NIPAL2: variants seen among roughly 807,000 people sequenced by gnomAD.
NIPAL2 encodes the protein NIPA like domain containing 2.
Under a neutral mutation model 48.9 loss-of-function variants are expected in NIPAL2, and 43 were observed. The ratio of observed to expected loss-of-function variants is 0.88; its 90% confidence interval spans 0.69 to 1.13. The LOEUF is 1.13. Ranked by LOEUF, NIPAL2 falls within the 50% of genes most tolerant of loss-of-function variation. NIPAL2 has a pLI of 0.00. For synonymous variants in NIPAL2, 167 were observed against 174.6 expected, an observed-to-expected ratio of 0.96 and a Z score of 0.34; for missense variants, 446 against 461.4, an observed-to-expected ratio of 0.97 and a Z score of 0.31.
At chr8:98,280,761 T>TATATATATATATAGAGAGAGAG in intron 1 of NIPAL2, among the ~76,000 whole-genome samples, 81 of 30,014 alleles carry the variant, frequency 2.7e-3, no homozygotes, top group Non-Finnish European at 3.7e-3. Flanking sequence ...TATATATATA[T>TATATATATATATAGAGAGAGAG]AGAGAGAGAG....
intron 3 of NIPAL2, among the ~76,000 whole-genome samples, chr8:98,250,426 A>G (rs1002449687): frequency 1.3e-5 from 2 of 152,158 alleles, no homozygotes; most frequent in Non-Finnish European, 2.9e-5. Context: ...TTCTAGGGAA[A>G]ATCCTCCATC....
intron 2 of NIPAL2, 133 bp from the exon 3 acceptor site, chr8:98,252,767 A>G: frequency 2.6e-6 from 2 of 778,206 alleles, no homozygotes; most frequent in Non-Finnish European, 3.9e-6. Context: ...TTAAGAACGA[A>G]TACATTTTTG....
At chr8:98,269,929 A>G (rs567310196) in intron 1 of NIPAL2, among the ~76,000 whole-genome samples, 38 of 152,334 alleles carry the variant, frequency 2.5e-4, no homozygotes, top group African/African-American at 9.1e-4. Flanking sequence ...AAGTGAGAAC[A>G]TGCAGTATTT....
chr8:98,213,942 T>C (rs1811445048), intron 5 of NIPAL2, among the ~76,000 whole-genome samples: 1 of 152,220 alleles, frequency 6.6e-6, no homozygotes, highest in Admixed American at 6.5e-5. Flanking sequence ...CTACTCTTTT[T>C]GCCACCCAAT....
In NIPAL2 at chr8:98,191,003, T is replaced by A. The variant is rs533250884; in HGVS notation, c.*1975A>T. On this transcript the variant is annotated 3_prime_UTR_variant, in exon 11 of 11. Transcript: ENST00000430223. ...TGGAAAGTAAAACTAGGTCTGAATATATTTTATATGTTACCTGGACTTCTA... is the reference window on the plus strand; with the variant it reads ...TGGAAAGTAAAACTAGGTCTGAATAAATTTTATATGTTACCTGGACTTCTA... The A allele has an allele frequency of 7.4e-4, 112 of 152,358 alleles. No homozygotes were observed. Among genetic ancestry groups the A allele is most frequent in the African/African-American group, 2.6e-3 (108 of 41,586 alleles). The allele number at this position is 152,358 out of a possible 1,614,324, so 9.4% of individuals were successfully genotyped here.
chr8:98,267,117 A>T (rs1814821116), intron 1 of NIPAL2, among the ~76,000 whole-genome samples: 1 of 152,186 alleles, frequency 6.6e-6, no homozygotes, highest in Non-Finnish European at 1.5e-5. Context: ...GTTTTCAATA[A>T]TGTCTTCCAA....
At chr8:98,210,922 A>AT (rs1331953380) in intron 6 of NIPAL2, among the ~76,000 whole-genome samples, 2 of 152,182 alleles carry the variant, frequency 1.3e-5, no homozygotes, top group African/African-American at 2.4e-5. Flanking sequence ...TGTAGCCAAA[A>AT]CACTTCGCAA....
In NIPAL2 at chr8:98,191,305, G is replaced by A. The variant is rs1810297382; in HGVS notation, c.*1673C>T. The A allele has an allele frequency of 6.6e-6, 1 of 152,212 alleles. No individual in the cohort carries two copies. The highest frequency in any genetic ancestry group is 2.4e-5 in the African/African-American group (1 of 41,446). 9.4% of individuals were successfully genotyped at this position (152,212 alleles called of 1,614,324 possible). On this transcript the variant is annotated 3_prime_UTR_variant, in exon 11 of 11. Coordinates refer to ENST00000430223, the MANE Select transcript of NIPAL2 (RefSeq NM_001321635.2). ...CAGATACATTTCTTGGCTGAGCCTT[G>A]TAGGACCAATATGCTGGACCAATTC...
At chr8:98,200,078 G>A (rs906098246) in intron 8 of NIPAL2, among the ~76,000 whole-genome samples, 6 of 152,088 alleles carry the variant, frequency 3.9e-5, no homozygotes, top group African/African-American at 1.4e-4. Flanking sequence ...TCAGCCTCCT[G>A]AGTAGCTGGG....
intron 1 of NIPAL2, among the ~76,000 whole-genome samples, chr8:98,272,607 G>A (rs1182337230): frequency 2.0e-5 from 3 of 151,122 alleles, no homozygotes; most frequent in African/African-American, 7.3e-5. Context: ...GCATCATAGT[G>A]TGTGCTATCT....
At chr8:98,288,256 G>A (rs917004411) in intron 1 of NIPAL2, among the ~76,000 whole-genome samples, 1 of 139,024 alleles carries the variant, frequency 7.2e-6, no homozygotes, top group African/African-American at 2.7e-5. Context: ...TGATCTCATT[G>A]TTCAATTCCC....
chr8:98,281,377 G>A (rs190742722), intron 1 of NIPAL2, among the ~76,000 whole-genome samples: 4 of 152,188 alleles, frequency 2.6e-5, no homozygotes, highest in Admixed American at 2.6e-4. Context: ...AGGTGGGGAT[G>A]GTTAATGGGT....
intron 7 of NIPAL2, among the ~76,000 whole-genome samples, chr8:98,203,912 G>A (rs1810915060): frequency 6.6e-6 from 1 of 151,696 alleles, no homozygotes; most frequent in Non-Finnish European, 1.5e-5. Flanking sequence ...GTAAATGCAT[G>A]TATGTGCATG....
intron 4 of NIPAL2, among the ~76,000 whole-genome samples, chr8:98,230,091 G>A (rs550237022): frequency 1.3e-5 from 2 of 152,176 alleles, no homozygotes; most frequent in African/African-American, 2.4e-5. Flanking sequence ...AACCTAGGTA[G>A]TCTATTTTCT....
At chr8:98,205,989 C>T (rs1811015388) in intron 6 of NIPAL2, among the ~76,000 whole-genome samples, 1 of 152,130 alleles carries the variant, frequency 6.6e-6, no homozygotes, top group Non-Finnish European at 1.5e-5. Flanking sequence ...TTCGTAGGTT[C>T]CAAACAGCAA....
Position 98,239,358 on chromosome 8 carries a change from T to C in NIPAL2, c.377-3144A>G, listed in dbSNP as rs557631737. 5.3e-5 allele frequency among the ~76,000 whole-genome samples: 8 copies of C among 152,310 alleles called. No individual in the cohort carries two copies. In the South Asian group the frequency reaches 1.0e-3, roughly 20 times the overall value. Reference sequence around the variant, plus strand: ...GCTCTTTCTAGTACACTATACCCCATTGGCTCCCTTGAAGTAAGAAAACAC... The same window carrying C: ...GCTCTTTCTAGTACACTATACCCCACTGGCTCCCTTGAAGTAAGAAAACAC... On this transcript the variant is annotated intron_variant, in intron 3 of 10. Coordinates refer to ENST00000430223, the MANE Select transcript of NIPAL2 (RefSeq NM_001321635.2).
intron 8 of NIPAL2, among the ~76,000 whole-genome samples, chr8:98,197,794 C>T (rs1281004403): frequency 1.3e-5 from 2 of 152,236 alleles, no homozygotes; most frequent in Non-Finnish European, 2.9e-5. Context: ...TCAGTCACAT[C>T]TTCAGGCTCC....
chr8:98,260,431 C>A (rs569719878), intron 1 of NIPAL2, among the ~76,000 whole-genome samples: 11 of 152,170 alleles, frequency 7.2e-5, no homozygotes, highest in Non-Finnish European at 1.2e-4. Context: ...GCACCGTGTG[C>A]GAGCCGAAGC....
intron 6 of NIPAL2, among the ~76,000 whole-genome samples, chr8:98,206,623 C>T (rs535905540): frequency 1.1e-4 from 16 of 151,740 alleles, no homozygotes; most frequent in Non-Finnish European, 2.1e-4. Context: ...CCTGTCTCTA[C>T]TAAAAATACA....
Sources: allele counts gnomAD v4.1 joint callset (sites outside exome capture counted in the v4.1 genomes callset), GRCh38; gene constraint gnomAD v4.1.1; transcripts MANE v1.5; gene names NCBI Gene and HGNC (gene_info 2026-07-23, HGNC 2026-07-21).